The following NBEA variants were observed in gnomAD, a reference collection of about 807,000 sequenced individuals.
NBEA encodes the protein neurobeachin, also known as lysosomal-trafficking regulator 2.
In NBEA, 44 loss-of-function variants were observed where a neutral mutation model predicts 343.4. The ratio of observed to expected loss-of-function variants is 0.13; its 90% CI spans 0.10 to 0.16. NBEA has a LOEUF of 0.16. Ranked by LOEUF, NBEA falls within the 10% of genes least tolerant of loss-of-function variation. The pLI is 1.00. For missense variants in NBEA, 2,555 were observed against 3,631.3 expected, an observed-to-expected ratio of 0.70 and a Z score of 7.62; for synonymous variants, 1,175 against 1,238.7, an observed-to-expected ratio of 0.95 and a Z score of 1.08.
At chr13:35,062,172 G>T (rs894561343) in intron 8 of NBEA, among the ~76,000 whole-genome samples, 2 of 151,512 alleles carry the variant, frequency 1.3e-5, no homozygotes, top group African/African-American at 4.8e-5. Context: ...AAGACAGGAA[G>T]TATCAGCCAT....
At chr13:35,471,116 G>A (rs761539198) in intron 40 of NBEA, among the ~76,000 whole-genome samples, 1 of 152,198 alleles carries the variant, frequency 6.6e-6, no homozygotes, top group African/African-American at 2.4e-5. Context: ...CACTGTCACA[G>A]TTTGCTCCTT....
At chr13:35,658,170 C>G (rs2084909270) in intron 55 of NBEA, among the ~76,000 whole-genome samples, 1 of 151,956 alleles carries the variant, frequency 6.6e-6, no homozygotes, top group African/African-American at 2.4e-5. Context: ...TGTTAAAAAG[C>G]AGTGTCATAT....
intron 17 of NBEA, among the ~76,000 whole-genome samples, chr13:35,137,075 T>C (rs779840975): frequency 6.6e-6 from 1 of 152,238 alleles, no homozygotes; most frequent in Non-Finnish European, 1.5e-5. Flanking sequence ...CTTTCTAAAA[T>C]TGAAATGTTT....
chr13:35,180,634 A>G (rs2071249130), intron 28 of NBEA, among the ~76,000 whole-genome samples: 1 of 151,526 alleles, frequency 6.6e-6, no homozygotes, highest in Non-Finnish European at 1.5e-5. Flanking sequence ...TTTAGAGGTC[A>G]TTTTTCCTGT....
At chr13:35,239,448 A>G (rs1386304512) in intron 34 of NBEA, among the ~76,000 whole-genome samples, 2 of 152,118 alleles carry the variant, frequency 1.3e-5, no homozygotes, top group Non-Finnish European at 1.5e-5. Context: ...TGTTGGTAGT[A>G]ATATTATCGA....
intron 35 of NBEA, among the ~76,000 whole-genome samples, chr13:35,291,138 A>G (rs1374313928): frequency 1.3e-5 from 2 of 151,928 alleles, no homozygotes; most frequent in Non-Finnish European, 2.9e-5. Context: ...AGTCCTGATT[A>G]TCCTGATTAT....
At chr13:35,592,240 A>C (rs550350402) in intron 46 of NBEA, among the ~76,000 whole-genome samples, 1 of 152,258 alleles carries the variant, frequency 6.6e-6, no homozygotes, top group East Asian at 1.9e-4. Context: ...TAGTCACAGA[A>C]TGCAAAAAGG....
chr13:35,072,616 G>C (rs1313451060), intron 10 of NBEA, among the ~76,000 whole-genome samples: 1 of 152,054 alleles, frequency 6.6e-6, no homozygotes, highest in African/African-American at 2.4e-5. Context: ...CTGGAGTGCA[G>C]TGGTGTGATC....
In NBEA at chr13:35,030,117, T is replaced by G. The variant is rs890099664; in HGVS notation, c.295-10816T>G. Among the ~76,000 whole-genome samples, 46 of 151,860 alleles carry G rather than the reference T, an allele frequency of 3.0e-4. 1 individual carries two copies. The highest frequency in any genetic ancestry group is 1.0e-3 in the African/African-American group (43 of 41,548). The stretch of plus-strand genomic sequence containing the variant: ...ACACATCTTTTCGAAGAACAGATTT[T>G]TAGTATTTAGCTTTGTTTTTTATTT... On this transcript the variant is annotated intron_variant, in intron 1 of 58. Coordinates refer to ENST00000379939, the MANE Select transcript of NBEA (RefSeq NM_001385012.1).
At chr13:34,980,899 T>C (rs912986967) in intron 1 of NBEA, among the ~76,000 whole-genome samples, 1 of 152,194 alleles carries the variant, frequency 6.6e-6, no homozygotes, top group Non-Finnish European at 1.5e-5. Context: ...ATAATAGTTA[T>C]ATGTATTTTC....
intron 11 of NBEA, among the ~76,000 whole-genome samples, chr13:35,103,327 TTCTTA>T (rs1376344229): frequency 3.3e-5 from 5 of 151,764 alleles, no homozygotes; most frequent in African/African-American, 1.2e-4. Context: ...TATTTCTCAG[TTCTTA>T]TCTTATTTGA....
intron 41 of NBEA, among the ~76,000 whole-genome samples, chr13:35,525,507 C>T (rs1453540113): frequency 2.6e-5 from 4 of 151,974 alleles, no homozygotes; most frequent in Non-Finnish European, 4.4e-5. Flanking sequence ...AAGCCAAGAT[C>T]GCGCCACTGC....
intron 38 of NBEA, among the ~76,000 whole-genome samples, chr13:35,387,265 T>G (rs918616103): frequency 6.6e-6 from 1 of 152,134 alleles, no homozygotes; most frequent in Non-Finnish European, 1.5e-5. Context: ...TGTTTATGGG[T>G]CTTGGATATT....
intron 1 of NBEA, among the ~76,000 whole-genome samples, chr13:35,026,354 A>C (rs779448728): frequency 6.6e-6 from 1 of 152,018 alleles, no homozygotes; most frequent in Non-Finnish European, 1.5e-5. Flanking sequence ...CCTCCTTGTA[A>C]TCTCACTGTA....
chr13:35,102,080 G>A (rs1021119995), intron 11 of NBEA, among the ~76,000 whole-genome samples: 1 of 150,908 alleles, frequency 6.6e-6, no homozygotes, highest in African/African-American at 2.4e-5. Flanking sequence ...GAGGTATAAG[G>A]GTCAAGGTTC....
chr13:35,541,590 C>G (rs2153005715), intron 41 of NBEA, among the ~76,000 whole-genome samples: 1 of 152,076 alleles, frequency 6.6e-6, no homozygotes, highest in East Asian at 1.9e-4. Context: ...CCAATAATGT[C>G]TAGGATACAA....
intron 49 of NBEA, among the ~76,000 whole-genome samples, chr13:35,640,188 A>G (rs2083878640): frequency 6.6e-6 from 1 of 152,210 alleles, no homozygotes; most frequent in African/African-American, 2.4e-5. Context: ...CACACATTAT[A>G]TTTATCGATT....
At chr13:35,379,801 G>A (rs1175562486) in intron 38 of NBEA, among the ~76,000 whole-genome samples, 4 of 151,564 alleles carry the variant, frequency 2.6e-5, no homozygotes, top group Non-Finnish European at 4.4e-5. Flanking sequence ...TTTGTTTCTG[G>A]ACTCTCTCTA....
chr13:35,095,664 C>T (rs896059050), intron 10 of NBEA, among the ~76,000 whole-genome samples: 6 of 151,884 alleles, frequency 4.0e-5, no homozygotes, highest in Admixed American at 3.3e-4. Context: ...CTTATCCATT[C>T]TTGAAGTAGA....
Sources: allele counts gnomAD v4.1 joint callset (sites outside exome capture counted in the v4.1 genomes callset), GRCh38; gene constraint gnomAD v4.1.1; transcripts MANE v1.5; gene names NCBI Gene and HGNC (gene_info 2026-07-23, HGNC 2026-07-21).